The following PCDHA1 variants were observed in gnomAD, a reference collection of about 807,000 sequenced individuals.
PCDHA1 encodes the protein protocadherin alpha 1.
Under a neutral mutation model 61.3 loss-of-function variants are expected in PCDHA1, and 42 were observed. The ratio of observed to expected loss-of-function variants is 0.69; its 90% CI spans 0.54 to 0.89. The LOEUF (loss-of-function observed/expected upper bound fraction) is 0.89, where lower values mean the gene tolerates loss of function less well. Among genes scored for constraint, PCDHA1 ranks in the 40% least tolerant of loss-of-function variants. PCDHA1 has a pLI of 0.00. For synonymous variants in PCDHA1, 610 were observed against 553.8 expected (o/e 1.10, Z -1.43); for missense variants, 1,256 against 1,235.3 (o/e 1.02, Z -0.25).
intron 3 of PCDHA1, among the ~76,000 whole-genome samples, chr5:140,993,375 C>T (rs1238667698): frequency 1.3e-5 from 2 of 151,770 alleles, no homozygotes; most frequent in Non-Finnish European, 2.9e-5. Flanking sequence ...ACCTCCCAGC[C>T]GGGTCCCTGA....
intron 1 of PCDHA1, chr5:140,927,385 C>G: frequency 6.2e-7 from 1 of 1,614,098 alleles, no homozygotes; most frequent in East Asian, 2.2e-5. Flanking sequence ...CAGCCTAAGC[C>G]CCAGTCAGCA....
At chr5:140,992,954 C>T (rs1174073844) in intron 3 of PCDHA1, among the ~76,000 whole-genome samples, 4 of 152,190 alleles carry the variant, frequency 2.6e-5, no homozygotes, top group Non-Finnish European at 5.9e-5. Context: ...TTAAATCACC[C>T]CTTATACTGC....
chr5:140,913,558 G>T (rs1042223174), intron 1 of PCDHA1, among the ~76,000 whole-genome samples: 5 of 151,668 alleles, frequency 3.3e-5, no homozygotes, highest in Admixed American at 3.3e-4. Flanking sequence ...TTGATCTCTT[G>T]TATTTTCATC....
intron 1 of PCDHA1, chr5:140,807,921 C>T: frequency 1.2e-6 from 2 of 1,614,010 alleles, no homozygotes; most frequent in South Asian, 2.2e-5. Flanking sequence ...TTTGACAGAA[C>T]CATTTATAAG....
chr5:140,926,825 G>T (rs937740656), intron 1 of PCDHA1: 2 of 1,499,696 alleles, frequency 1.3e-6, no homozygotes, highest in Admixed American at 4.7e-5. Flanking sequence ...CTCTCCAGGA[G>T]TCCGGAGCAT....
At chr5:140,875,596 G>T (rs1554167787) in intron 1 of PCDHA1, 2 of 1,613,938 alleles carry the variant, frequency 1.2e-6, no homozygotes, top group East Asian at 2.2e-5. Context: ...GGCCAAACAC[G>T]GCACCTTCGT....
chr5:140,819,440 ATT>A (rs1446533087), intron 1 of PCDHA1, among the ~76,000 whole-genome samples: 1 of 152,136 alleles, frequency 6.6e-6, no homozygotes, highest in Non-Finnish European at 1.5e-5. Flanking sequence ...TTAAATCTAA[ATT>A]TTTTTCTCAA....
At chr5:140,871,187 T>C in intron 1 of PCDHA1, 1 of 1,613,626 alleles carries the variant, frequency 6.2e-7, no homozygotes, top group Non-Finnish European at 8.5e-7. Flanking sequence ...CTGGTGGATG[T>C]CAACGTGTAC....
intron 1 of PCDHA1, among the ~76,000 whole-genome samples, chr5:140,903,175 A>G (rs1554190800): frequency 1.3e-5 from 2 of 152,170 alleles, no homozygotes; most frequent in Non-Finnish European, 2.9e-5. Context: ...TTACATTCCC[A>G]CCAATAGTAT....
chr5:140,995,285 C>G (rs1179283452), intron 3 of PCDHA1, among the ~76,000 whole-genome samples: 1 of 152,048 alleles, frequency 6.6e-6, no homozygotes, highest in African/African-American at 2.4e-5. Flanking sequence ...ACCAAAACAG[C>G]CAGTCGGATA....
chr5:141,005,463 G>A (rs2098214977), intron 3 of PCDHA1, among the ~76,000 whole-genome samples: 1 of 151,944 alleles, frequency 6.6e-6, no homozygotes. Context: ...CAGCACTTTG[G>A]GAGGCCGAGA....
intron 1 of PCDHA1, chr5:140,834,498 G>T: frequency 6.2e-7 from 1 of 1,614,130 alleles, no homozygotes; most frequent in Non-Finnish European, 8.5e-7. Context: ...CCCCGAGGAG[G>T]CTAAACATGG....
intron 1 of PCDHA1, among the ~76,000 whole-genome samples, chr5:140,933,130 A>G (rs2088870055): frequency 6.6e-6 from 1 of 151,994 alleles, no homozygotes; most frequent in Non-Finnish European, 1.5e-5. Context: ...CTAAATAATA[A>G]AGGTAGATAG....
intron 1 of PCDHA1, among the ~76,000 whole-genome samples, chr5:140,964,816 T>A (rs79964853): frequency 0.016 from 2,494 of 151,960 alleles, 68 homozygotes; most frequent in African/African-American, 0.056. Context: ...CAGGAATAGA[T>A]TTTGATGAAA....
chr5:140,810,580 C>A (rs892828391), intron 1 of PCDHA1: 1 of 152,090 alleles, frequency 6.6e-6, no homozygotes, highest in Non-Finnish European at 1.5e-5. Flanking sequence ...AAGTTGAGTA[C>A]CTTTCTATTT....
At chr5:140,835,828 C>T (rs2150246076) in intron 1 of PCDHA1, 2 of 1,612,490 alleles carry the variant, frequency 1.2e-6, no homozygotes, top group South Asian at 1.1e-5. Context: ...GCGGGGGACG[C>T]GGACGCGCAG....
intron 1 of PCDHA1, among the ~76,000 whole-genome samples, chr5:140,891,690 C>T (rs12518591): frequency 0.01 from 1,559 of 152,280 alleles, 92 homozygotes; most frequent in Admixed American, 0.092. Context: ...TCTCTTCTTG[C>T]TGTTGTCTGA....
At chr5:140,819,788 G>A (rs1554127750) in intron 1 of PCDHA1, among the ~76,000 whole-genome samples, 1 of 151,984 alleles carries the variant, frequency 6.6e-6, no homozygotes. Context: ...AAGTACATGA[G>A]ATATTTTTTC....
At chr5:140,989,101 A>G (rs1293454775) in intron 3 of PCDHA1, 1 of 152,216 alleles carries the variant, frequency 6.6e-6, no homozygotes, top group African/African-American at 2.4e-5. Flanking sequence ...AGGAGAAACA[A>G]CTTTTGAATA....
Sources: allele counts gnomAD v4.1 joint callset (sites outside exome capture counted in the v4.1 genomes callset), GRCh38; gene constraint gnomAD v4.1.1; transcripts MANE v1.5; gene names NCBI Gene and HGNC (gene_info 2026-07-23, HGNC 2026-07-21).